Variants in ANKMY1 observed in about 807,000 individuals in gnomAD.
ANKMY1 encodes the protein ankyrin repeat and MYND domain containing 1.
Under a neutral mutation model 102.0 loss-of-function variants are expected in ANKMY1, and 98 were observed. The ratio of observed to expected loss-of-function variants is 0.96; its 90% CI spans 0.82 to 1.14. ANKMY1 has a LOEUF of 1.14. Ranked by LOEUF, ANKMY1 falls within the 50% of genes most tolerant of loss-of-function variation. The pLI is 0.00. For synonymous variants in ANKMY1, 582 were observed against 559.9 expected (o/e 1.04, Z -0.56); for missense variants, 1,330 against 1,347.6 (o/e 0.99, Z 0.20).
chr2:240,560,600 G>A (rs2092890951), upstream of ANKMY1: 25 of 1,331,526 alleles, frequency 1.9e-5, no homozygotes, highest in South Asian at 4.2e-4. Context: ...GGCCCGCCCG[G>A]CTCCCACAAA....
At chr2:240,511,788 G>T in intron 11 of ANKMY1, 73 bp downstream of exon 11, 1 of 1,480,796 alleles carries the variant, frequency 6.8e-7, no homozygotes, top group Non-Finnish European at 8.9e-7. Context: ...ATGCTTCCGG[G>T]GGCACAAGGC....
At chr2:240,525,473 C>T (rs984584217) in intron 7 of ANKMY1, among the ~76,000 whole-genome samples, 6 of 152,210 alleles carry the variant, frequency 3.9e-5, no homozygotes, top group Non-Finnish European at 5.9e-5. Flanking sequence ...GGCTGCTATG[C>T]AGGAGATGAG....
chr2:240,529,207 G>C lies in ANKMY1; in HGVS notation c.783C>G (p.Val261=), dbSNP rs763914827. The C allele has an allele frequency of 1.2e-6, 2 of 1,614,206 alleles. No individual in the cohort carries two copies. Among genetic ancestry groups the C allele is most frequent in the Non-Finnish European group, 8.5e-7 (1 of 1,180,046 alleles). ...DNLTLPPEMY[V]YSTNSDHLPM... ...GCAGGTGGTCACTGTTGGTCGAGTAGACATACATTTCTGGAGGCAGCGTTA... is the reference window on the plus strand; with the variant it reads ...GCAGGTGGTCACTGTTGGTCGAGTACACATACATTTCTGGAGGCAGCGTTA... Residue 261 remains valine, a synonymous_variant, in exon 5 of 18, where the codon GTC becomes GTG. Transcript: ENST00000401804. This position sits in a 1 kb window ranked among gnomAD's most constrained non-coding sequence, Gnocchi z 4.2.
intron 9 of ANKMY1, among the ~76,000 whole-genome samples, chr2:240,513,673 C>A (rs1166373120): frequency 2.0e-5 from 3 of 152,260 alleles, no homozygotes; most frequent in African/African-American, 7.2e-5. Flanking sequence ...CATGCATGCC[C>A]ATCCACCGGT....
At chr2:240,551,153 T>G (rs970594526) in intron 4 of ANKMY1, among the ~76,000 whole-genome samples, 8 of 79,622 alleles carry the variant, frequency 1.0e-4, no homozygotes, top group South Asian at 3.4e-4. Flanking sequence ...GCTTTTTATG[T>G]TTTTTTTTTT....
At chr2:240,511,592 G>C (rs942832416) in intron 11 of ANKMY1, among the ~76,000 whole-genome samples, 1 of 152,250 alleles carries the variant, frequency 6.6e-6, no homozygotes, top group Non-Finnish European at 1.5e-5. Context: ...GCCCAGGCCA[G>C]AGGCTCCCAA....
intron 3 of ANKMY1, chr2:240,554,248 G>C (rs1034292120): frequency 6.6e-6 from 1 of 152,350 alleles, no homozygotes; most frequent in Non-Finnish European, 1.5e-5. Context: ...CGTCCTGCTG[G>C]GGCCTTTCTC....
At chr2:240,547,057 C>T (rs1267353415) in intron 4 of ANKMY1, among the ~76,000 whole-genome samples, 3 of 152,194 alleles carry the variant, frequency 2.0e-5, no homozygotes, top group African/African-American at 7.2e-5. Flanking sequence ...ACAGAATATA[C>T]ATTTTTTTCA....
At chr2:240,560,689 G>A, upstream of ANKMY1, 1 of 1,524,772 alleles carries the variant, frequency 6.6e-7, no homozygotes, top group Non-Finnish European at 8.7e-7. Flanking sequence ...GGCGCCATGG[G>A]ACCGGCAGAA....
intron 9 of ANKMY1, among the ~76,000 whole-genome samples, chr2:240,515,266 G>A (rs925065084): frequency 1.3e-5 from 2 of 152,240 alleles, no homozygotes; most frequent in Non-Finnish European, 2.9e-5. Context: ...GCTGGACGCG[G>A]TATCTCACAC....
intron 5 of ANKMY1, chr2:240,526,852 A>C: frequency 8.6e-7 from 1 of 1,163,906 alleles, no homozygotes; most frequent in Non-Finnish European, 1.1e-6. Flanking sequence ...CTGCTCATCC[A>C]TTTTTGTCTG....
Position 240,554,972 on chromosome 2 carries a change from T to C in ANKMY1, c.230A>G (p.Gln77Arg), listed in dbSNP as rs758752538. ...CCACTCCTGCACACCCTGGACGAGC[T>C]GGATGTAGGACTCCCTCAGGTCCTG... The part of the protein sequence containing the change: ...RAQDLRESYI[Q>R]LVQGVQEWQD... The change falls in exon 3 of 18, where the codon CAG becomes CGG. Residue 77 changes from glutamine (Q) to arginine (R), a missense_variant. By Grantham distance (43) the Gln-to-Arg change is conservative. Coordinates refer to ENST00000401804, the MANE Select transcript of ANKMY1 (RefSeq NM_001282771.3). The C allele has an allele frequency of 1.7e-5, 28 of 1,614,204 alleles. No homozygotes were observed. The highest frequency in any genetic ancestry group is 1.6e-4 in the Middle Eastern group (1 of 6,062).
At chr2:240,508,281 A>G (rs2079460886) in intron 12 of ANKMY1, among the ~76,000 whole-genome samples, 1 of 152,248 alleles carries the variant, frequency 6.6e-6, no homozygotes, top group African/African-American at 2.4e-5. Context: ...CCCTCAGAAC[A>G]AAGCTCTCTT....
chr2:240,515,343 T>C (rs760638664), intron 9 of ANKMY1, among the ~76,000 whole-genome samples: 12 of 152,114 alleles, frequency 7.9e-5, no homozygotes, highest in East Asian at 1.9e-4. Context: ...AAGACCAGCC[T>C]GGCCAACATG....
chr2:240,471,509 A>G, the ANKMY1 span, among the ~76,000 whole-genome samples: 2 of 152,224 alleles, frequency 1.3e-5, no homozygotes, highest in Non-Finnish European at 2.9e-5. Flanking sequence ...TCTATAAAAT[A>G]AGTATTTTGT....
At chr2:240,545,471 A>T (rs2090144283) in intron 4 of ANKMY1, among the ~76,000 whole-genome samples, 1 of 152,282 alleles carries the variant, frequency 6.6e-6, no homozygotes, top group South Asian at 2.1e-4. Context: ...CTTCAAAGGA[A>T]CGCAGTTCCT....
At chr2:240,515,966 T>C (rs933393191) in intron 9 of ANKMY1, among the ~76,000 whole-genome samples, 1 of 151,760 alleles carries the variant, frequency 6.6e-6, no homozygotes, top group African/African-American at 2.4e-5. Context: ...CCTTGTGATC[T>C]GCCCACCTCA....
rs1473709875 is a variant in ANKMY1 at position 240,524,034 on chromosome 2, C to T, written c.1683G>A (p.Val561=). ...GCTCGATGGAGAAGTCGCACACACACACGTTGGACTCAAATTTCGTCTCAG... is the reference window on the plus strand; with the variant it reads ...GCTCGATGGAGAAGTCGCACACACATACGTTGGACTCAAATTTCGTCTCAG... ...CSAETKFESN[V]CVCDFSIELS... is the part of the protein sequence containing the mutation. The change falls in exon 8 of 18, where the codon GTG becomes GTA. Residue 561 remains valine, a synonymous_variant. Coordinates refer to ENST00000401804, the MANE Select transcript of ANKMY1 (RefSeq NM_001282771.3). 2 of 1,613,906 alleles carry T rather than the reference C, an allele frequency of 1.2e-6. No homozygotes were observed. Among genetic ancestry groups the T allele is most frequent in the South Asian group, 1.1e-5 (1 of 91,066 alleles).
At chr2:240,533,565 T>C (rs1281980012) in intron 4 of ANKMY1, among the ~76,000 whole-genome samples, 1 of 152,202 alleles carries the variant, frequency 6.6e-6, no homozygotes, top group East Asian at 1.9e-4. Flanking sequence ...TTAATAATTC[T>C]TCAAGATCTG....
Sources: gnomAD v4.1 joint callset for allele counts (sites outside exome capture counted in the v4.1 genomes callset) on GRCh38, gnomAD v4.1.1 for gene constraint, Gnocchi (gnomAD v3.1) non-coding constraint, MANE v1.5 for transcripts, NCBI Gene and HGNC (gene_info 2026-07-23, HGNC 2026-07-21) for gene names.